Variants in NOX4 observed in about 807,000 individuals in gnomAD.
NOX4 encodes the protein kidney oxidase-1.
A neutral mutation model predicts 87.6 loss-of-function variants in NOX4; 69 were observed. The observed-to-expected ratio is 0.79, with a 90% CI of 0.65 to 0.96. The LOEUF (loss-of-function observed/expected upper bound fraction) is 0.96. Among genes scored for constraint, NOX4 ranks in the 40% least tolerant of loss-of-function variants. The pLI is 0.00. For synonymous variants in NOX4, 275 were observed against 238.2 expected (o/e 1.15, Z -1.42); for missense variants, 680 against 681.5 (o/e 1.00, Z 0.02).
intron 17 of NOX4, among the ~76,000 whole-genome samples, chr11:89,333,718 A>G (rs553589301): frequency 6.6e-6 from 1 of 151,898 alleles, no homozygotes; most frequent in South Asian, 2.1e-4. Context: ...GCTACATTGT[A>G]AATGAAACCA....
chr11:89,346,579 A>AAATGGCTCTCAAAGTCACT (rs57544181), intron 13 of NOX4, among the ~76,000 whole-genome samples: 2 of 100,142 alleles, frequency 2.0e-5, no homozygotes, highest in African/African-American at 5.5e-5. Flanking sequence ...CAAAGAAAGA[A>AAATGGCTCTCAAAGTCACT]AGATGGAGAA....
chr11:89,560,976 C>CTCTCTCTCTT, the NOX4 span, among the ~76,000 whole-genome samples: 1 of 71,924 alleles, frequency 1.4e-5, no homozygotes, highest in African/African-American at 7.2e-5. Context: ...CTCTCTCTCT[C>CTCTCTCTCTT]TCTCTCTCTC....
chr11:89,388,491 G>A (rs1173032060), intron 11 of NOX4, among the ~76,000 whole-genome samples: 2 of 152,152 alleles, frequency 1.3e-5, no homozygotes, highest in Non-Finnish European at 2.9e-5. Flanking sequence ...CATCTGCAGA[G>A]CTCCTGTCAG....
chr11:89,468,893 T>C (rs1298989660), intron 2 of NOX4, among the ~76,000 whole-genome samples: 1 of 152,068 alleles, frequency 6.6e-6, no homozygotes, highest in Admixed American at 6.6e-5. Flanking sequence ...TACAGGTGCA[T>C]GCTACCACAC....
chr11:89,569,934 G>A, the NOX4 span, among the ~76,000 whole-genome samples: 200 of 151,600 alleles, frequency 1.3e-3, 1 homozygote, highest in Non-Finnish European at 2.4e-3. Flanking sequence ...CCTGGGAGGC[G>A]GAGCTTGCAG....
chr11:89,346,076 C>T (rs1946203649), intron 13 of NOX4, among the ~76,000 whole-genome samples: 1 of 152,156 alleles, frequency 6.6e-6, no homozygotes, highest in African/African-American at 2.4e-5. Context: ...TAAATGACTT[C>T]AGTAGTTTCA....
At chr11:89,332,929 AAAAG>A (rs1945536577) in intron 17 of NOX4, among the ~76,000 whole-genome samples, 1 of 151,930 alleles carries the variant, frequency 6.6e-6, no homozygotes, top group Admixed American at 6.6e-5. Flanking sequence ...AAAAAGCAAC[AAAAG>A]AAAGGAATGA....
intron 4 of NOX4, among the ~76,000 whole-genome samples, chr11:89,447,980 A>C (rs1591281988): frequency 6.6e-6 from 1 of 152,190 alleles, no homozygotes; most frequent in African/African-American, 2.4e-5. Flanking sequence ...AAAGTAAAAT[A>C]ATTTCTTGGC....
intron 13 of NOX4, among the ~76,000 whole-genome samples, chr11:89,347,597 C>T (rs117775135): frequency 0.021 from 3,247 of 152,260 alleles, 91 homozygotes; most frequent in East Asian, 0.13. Context: ...GCTCAGATTG[C>T]CACTCTCCCT....
chr11:89,459,625 G>A (rs1417892844), intron 2 of NOX4, among the ~76,000 whole-genome samples: 1 of 151,924 alleles, frequency 6.6e-6, no homozygotes, highest in Non-Finnish European at 1.5e-5. Context: ...CCTCTTCAAG[G>A]AGAACTACAA....
rs748352807 is a variant in NOX4, at chr11:89,326,887, A to G, written c.1617-11T>C. 1 of 1,612,360 alleles carries G rather than the reference A, an allele frequency of 6.2e-7. No homozygotes were observed. The highest frequency in any genetic ancestry group is 2.2e-5 in the East Asian group (1 of 44,750). Reference sequence around the variant, plus strand: ...ACACCAACTGTTTTTCTAGAACAAGAGCAGAGAAAATGGAAAATCAGGTGT... The same window carrying G: ...ACACCAACTGTTTTTCTAGAACAAGGGCAGAGAAAATGGAAAATCAGGTGT... On this transcript the variant is annotated splice_polypyrimidine_tract_variant and intron_variant, in intron 17 of 17. Transcript: ENST00000263317.
chr11:89,424,398 T>G (rs915937210), intron 7 of NOX4, among the ~76,000 whole-genome samples: 1 of 150,828 alleles, frequency 6.6e-6, no homozygotes, highest in South Asian at 2.1e-4. Context: ...AAAGTAGATA[T>G]ATCTACTTTT....
chr11:89,436,445 T>C (rs1359687831), intron 6 of NOX4, among the ~76,000 whole-genome samples: 1 of 152,224 alleles, frequency 6.6e-6, no homozygotes, highest in East Asian at 1.9e-4. Context: ...TTGATTCTCC[T>C]GTGAATTTTT....
At chr11:89,516,074 A>G in the NOX4 span, among the ~76,000 whole-genome samples, 9 of 151,908 alleles carry the variant, frequency 5.9e-5, 1 homozygote, top group Admixed American at 3.9e-4. Flanking sequence ...TTTATTTGGC[A>G]TCTCTAATGT....
chr11:89,465,389 G>A (rs1034876537), intron 2 of NOX4, among the ~76,000 whole-genome samples: 1 of 152,120 alleles, frequency 6.6e-6, no homozygotes, highest in Non-Finnish European at 1.5e-5. Flanking sequence ...TATCATTGAT[G>A]GGCATTTGGG....
At chr11:89,517,449 T>C in the NOX4 span, among the ~76,000 whole-genome samples, 1 of 152,002 alleles carries the variant, frequency 6.6e-6, no homozygotes, top group East Asian at 1.9e-4. Context: ...TTGTTAATGC[T>C]TATTTCCTTT....
intron 12 of NOX4, among the ~76,000 whole-genome samples, chr11:89,372,388 C>G (rs1485696422): frequency 1.3e-5 from 2 of 152,014 alleles, no homozygotes; most frequent in African/African-American, 4.8e-5. Context: ...TTCTGTGCTA[C>G]TACCCAGAAC....
At chr11:89,489,171 G>T (rs1052614894) in intron 2 of NOX4, among the ~76,000 whole-genome samples, 2 of 151,990 alleles carry the variant, frequency 1.3e-5, no homozygotes, top group Non-Finnish European at 2.9e-5. Flanking sequence ...CTTGTTGCAG[G>T]CTTAATATGT....
Position 89,486,044 on chromosome 11 carries a change from A to G in NOX4, c.153+4414T>C, listed in dbSNP as rs1293348507. Among the ~76,000 whole-genome samples, 5 of 152,056 alleles carry G rather than the reference A, an allele frequency of 3.3e-5. No homozygotes were observed. In the East Asian group the frequency reaches 9.6e-4, roughly 29 times the overall value. ...CATATTAATCCCAATGTTATATTTT[A>G]TCTTCTAGCAATTAAGATCTTATTT... On this transcript the variant is annotated intron_variant, in intron 2 of 17. Coordinates refer to ENST00000263317, the MANE Select transcript of NOX4 (RefSeq NM_016931.5).
Sources: gnomAD v4.1 joint callset for allele counts (sites outside exome capture counted in the v4.1 genomes callset) on GRCh38, gnomAD v4.1.1 for gene constraint, MANE v1.5 for transcripts, NCBI Gene and HGNC (gene_info 2026-07-23, HGNC 2026-07-21) for gene names.